The following DNAI3 variants were observed in gnomAD, a reference collection of about 807,000 sequenced individuals.
DNAI3 encodes WD repeat domain 63.
A neutral mutation model predicts 115.5 loss-of-function variants in DNAI3; 83 were observed. That is an observed-to-expected ratio of 0.72 (90% CI 0.60 to 0.86). The LOEUF is 0.86. Among genes scored for constraint, DNAI3 ranks in the 40% least tolerant of loss-of-function variants. DNAI3 has a pLI of 0.00. For missense variants in DNAI3, 1,004 were observed against 1,075.8 expected, an observed-to-expected ratio of 0.93 and a Z score of 0.93; for synonymous variants, 320 against 347.0, an observed-to-expected ratio of 0.92 and a Z score of 0.86.
intron 15 of DNAI3, among the ~76,000 whole-genome samples, chr1:85,109,340 A>G (rs1409148097): frequency 6.6e-6 from 1 of 152,220 alleles, no homozygotes; most frequent in Non-Finnish European, 1.5e-5. Context: ...TCCCAATGGA[A>G]GAGAGAACAT....
At chr1:85,121,687 G>A (rs2100611763) in intron 17 of DNAI3, 64 bp from the exon 18 acceptor site, 1 of 1,431,760 alleles carries the variant, frequency 7.0e-7, no homozygotes, top group Non-Finnish European at 9.7e-7. Flanking sequence ...CTTAGCACAT[G>A]AGTGTGAAGT....
chr1:85,114,698 C>G (rs1333971193), intron 16 of DNAI3, among the ~76,000 whole-genome samples: 1 of 152,174 alleles, frequency 6.6e-6, no homozygotes, highest in Non-Finnish European at 1.5e-5. Context: ...AGACTTGGCC[C>G]TGTTAACTAG....
chr1:85,077,747 A>T (rs1571159511), intron 3 of DNAI3, among the ~76,000 whole-genome samples: 1 of 152,082 alleles, frequency 6.6e-6, no homozygotes, highest in African/African-American at 2.4e-5. Context: ...CTTTATCTTG[A>T]TTGTGGTAAT....
chr1:85,086,288 T>G (rs967174317), intron 7 of DNAI3, among the ~76,000 whole-genome samples: 1 of 152,216 alleles, frequency 6.6e-6, no homozygotes, highest in Non-Finnish European at 1.5e-5. Flanking sequence ...CTGTTTATCA[T>G]GACAGTGCTG....
chr1:85,097,729 G>A, intron 12 of DNAI3, 74 bp downstream of exon 12: 1 of 1,281,638 alleles, frequency 7.8e-7, no homozygotes, highest in Non-Finnish European at 1.1e-6. Flanking sequence ...TAATATAGTT[G>A]CCAAGGCTAA....
chr1:85,073,156 G>A (rs1654339082), intron 3 of DNAI3, 64 bp downstream of exon 3: 3 of 1,226,552 alleles, frequency 2.4e-6, no homozygotes, highest in Non-Finnish European at 3.4e-6. Context: ...AATGCAATAA[G>A]CAAGCAGGAA....
chr1:85,127,492 C>T (rs1170396869), intron 20 of DNAI3, among the ~76,000 whole-genome samples: 2 of 152,246 alleles, frequency 1.3e-5, no homozygotes, highest in African/African-American at 2.4e-5. Flanking sequence ...CTGCTTCAGC[C>T]TCCCAAAGTT....
intron 20 of DNAI3, among the ~76,000 whole-genome samples, chr1:85,127,271 A>C (rs1032954408): frequency 2.0e-5 from 3 of 152,220 alleles, no homozygotes; most frequent in Non-Finnish European, 4.4e-5. Context: ...ACCAACTATG[A>C]GGAAAAACTA....
chr1:85,065,159 G>A (rs911843211), intron 1 of DNAI3, among the ~76,000 whole-genome samples: 1 of 151,986 alleles, frequency 6.6e-6, no homozygotes, highest in Admixed American at 6.6e-5. Flanking sequence ...GACCTGGGAA[G>A]ATAAGACTTT....
At chr1:85,069,636 T>A (rs1654207751) in intron 1 of DNAI3, among the ~76,000 whole-genome samples, 1 of 152,036 alleles carries the variant, frequency 6.6e-6, no homozygotes, top group South Asian at 2.1e-4. Context: ...TCCACCCACC[T>A]CGGCCTCCCA....
At chr1:85,102,132 T>G (rs1272628016) in intron 13 of DNAI3, among the ~76,000 whole-genome samples, 1 of 152,154 alleles carries the variant, frequency 6.6e-6, no homozygotes, top group East Asian at 1.9e-4. Context: ...AGACCCAGTG[T>G]TTGACAGATT....
intron 16 of DNAI3, among the ~76,000 whole-genome samples, chr1:85,117,314 G>T (rs1655852184): frequency 6.6e-6 from 1 of 152,126 alleles, no homozygotes. Flanking sequence ...CATGATAATG[G>T]ATGATTTTCG....
intron 1 of DNAI3, among the ~76,000 whole-genome samples, chr1:85,062,918 T>C (rs1653981063): frequency 6.6e-6 from 1 of 152,190 alleles, no homozygotes; most frequent in Non-Finnish European, 1.5e-5. Flanking sequence ...TGAAATAGAT[T>C]ACTTCAGGAC....
chr1:85,065,980 T>G (rs980443230), intron 1 of DNAI3, among the ~76,000 whole-genome samples: 1 of 152,098 alleles, frequency 6.6e-6, no homozygotes, highest in African/African-American at 2.4e-5. Flanking sequence ...CCATCACAGG[T>G]TTTGATCTGT....
chr1:85,067,478 C>T (rs982509051), intron 1 of DNAI3, among the ~76,000 whole-genome samples: 4 of 152,200 alleles, frequency 2.6e-5, no homozygotes, highest in African/African-American at 7.2e-5. Flanking sequence ...TTGAAAAGAA[C>T]AGGACACTTG....
intron 20 of DNAI3, among the ~76,000 whole-genome samples, chr1:85,128,039 T>G (rs1656198810): frequency 6.7e-6 from 1 of 149,396 alleles, no homozygotes; most frequent in South Asian, 2.1e-4. Context: ...GTGGGATGAT[T>G]GATTCAGCCT....
intron 22 of DNAI3, 62 bp downstream of exon 22, chr1:85,130,174 T>C: frequency 6.2e-7 from 1 of 1,602,842 alleles, no homozygotes; most frequent in Non-Finnish European, 8.5e-7. Flanking sequence ...TATATTTGTT[T>C]GGCTTAATCC....
Position 85,090,171 on chromosome 1 carries a change from GA to G in DNAI3, c.801del (p.Glu268ArgfsTer18). On this transcript the variant is annotated frameshift_variant, in exon 8 of 23. Coordinates refer to ENST00000294664, the MANE Select transcript of DNAI3 (RefSeq NM_145172.5). LOFTEE classifies it high-confidence loss of function. ...QYYPREFSEE[E>X]KETLKQSKPL... The stretch of plus-strand genomic sequence containing the variant: ...TTATCCAAGAGAATTCTCAGAAGAG[GA>G]AAAAGAGACACTCAAACAATCAAAG... 5 of 1,592,030 alleles carry G rather than the reference GA, an allele frequency of 3.1e-6. No homozygotes were observed. The highest frequency in any genetic ancestry group is 2.4e-5 in the South Asian group (2 of 84,468).
intron 13 of DNAI3, among the ~76,000 whole-genome samples, chr1:85,103,083 A>G (rs561279550): frequency 8.5e-5 from 13 of 152,170 alleles, no homozygotes; most frequent in African/African-American, 3.1e-4. Context: ...GCCTGCAGAC[A>G]TGACCCAGGT....
Sources: gnomAD v4.1 joint callset for allele counts (sites outside exome capture counted in the v4.1 genomes callset) on GRCh38, gnomAD v4.1.1 for gene constraint, MANE v1.5 for transcripts, NCBI Gene and HGNC (gene_info 2026-07-23, HGNC 2026-07-21) for gene names.